The following DST variants were observed in gnomAD, a reference collection of about 807,000 sequenced individuals.
The protein encoded by DST is dystonin.
DST carries 253 observed loss-of-function variants against 875.2 expected under a neutral mutation model. That is an observed-to-expected ratio of 0.29 (90% CI 0.26 to 0.32). The LOEUF (loss-of-function observed/expected upper bound fraction) is 0.32. Ranked by LOEUF, DST falls within the 10% of genes least tolerant of loss-of-function variation. The probability of loss-of-function intolerance (pLI) is 1.00; values close to 1 mark genes in which losing one functional copy is unlikely to be tolerated. For missense variants in DST, 8,287 were observed against 9,111.6 expected (o/e 0.91, Z 3.68); for synonymous variants, 3,124 against 3,197.1 (o/e 0.98, Z 0.77).
At chr6:56,544,673 A>C (rs1421483954) in intron 61 of DST, among the ~76,000 whole-genome samples, 1 of 84,786 alleles carries the variant, frequency 1.2e-5, no homozygotes, top group Non-Finnish European at 2.8e-5. Context: ...AAACAGTGCT[A>C]TGGGAAAATA....
At chr6:56,594,874 A>C (rs2098343767) in intron 47 of DST, among the ~76,000 whole-genome samples, 1 of 152,226 alleles carries the variant, frequency 6.6e-6, no homozygotes, top group Non-Finnish European at 1.5e-5. Context: ...CACTTCCTGC[A>C]GAGCTGGGCA....
chr6:56,771,545 C>T (rs1188964140), intron 4 of DST, among the ~76,000 whole-genome samples: 2 of 152,122 alleles, frequency 1.3e-5, no homozygotes, highest in Admixed American at 1.3e-4. Flanking sequence ...ACACAAAAGC[C>T]TTGCATCAAA....
rs568356360 is a variant in DST, at chr6:56,637,921, C to T, written c.2965-1269G>A. On this transcript the variant is annotated intron_variant, in intron 22 of 103. Coordinates refer to ENST00000680361, the MANE Select transcript of DST (RefSeq NM_001374736.1). The stretch of plus-strand genomic sequence containing the variant: ...TCTGGCAACATATCATGATCATATT[C>T]TACCTCAAATTAAGCTACTTTCAGT... Among the ~76,000 whole-genome samples, 168 of 152,214 alleles carry T rather than the reference C, an allele frequency of 1.1e-3. 1 individual carries two copies. Among genetic ancestry groups the T allele is most frequent in the Non-Finnish European group, 1.7e-3 (115 of 67,996 alleles).
intron 4 of DST, among the ~76,000 whole-genome samples, chr6:56,751,478 C>T (rs2099586947): frequency 6.6e-6 from 1 of 151,968 alleles, no homozygotes; most frequent in African/African-American, 2.4e-5. Flanking sequence ...AGCAGGCATT[C>T]TTGTGATATT....
At chr6:56,886,548 G>A (rs1192962809) in intron 3 of DST, among the ~76,000 whole-genome samples, 3 of 152,152 alleles carry the variant, frequency 2.0e-5, no homozygotes, top group African/African-American at 7.2e-5. Context: ...GGCCGAGGCG[G>A]GCAGATCACC....
At chr6:56,618,836 G>C (rs1302988942) in intron 36 of DST, 1 of 1,614,028 alleles carries the variant, frequency 6.2e-7, no homozygotes, top group Admixed American at 1.7e-5. Flanking sequence ...CTTTCTGTGG[G>C]TCATCTGCTC....
At chr6:56,645,193 A>C (rs1316041440) in intron 15 of DST, among the ~76,000 whole-genome samples, 2 of 152,218 alleles carry the variant, frequency 1.3e-5, no homozygotes, top group Non-Finnish European at 2.9e-5. Flanking sequence ...TAGGTCCTAT[A>C]GACTTCATGG....
At chr6:56,908,086 C>CAT (rs928715522) in intron 2 of DST, among the ~76,000 whole-genome samples, 245 of 147,852 alleles carry the variant, frequency 1.7e-3, no homozygotes, top group African/African-American at 5.6e-3. Context: ...AAAGAAAATA[C>CAT]ATATATATAT....
rs35341433 is a variant in DST, at chr6:56,618,515, C to T, written c.4930-4031G>A. 217 of 1,614,166 alleles carry T rather than the reference C, an allele frequency of 1.3e-4. No homozygotes were observed. The African/African-American group carries it at 2.1e-3, about 15-fold the overall frequency. ...TTTTTGCTTCAGGTTTTCAACCTCA[C>T]GCTTCTGGGCTATCAGCTCATCCTC... On this transcript the variant is annotated intron_variant, in intron 36 of 103. Transcript: ENST00000680361.
intron 3 of DST, among the ~76,000 whole-genome samples, chr6:56,857,649 C>G (rs781344497): frequency 2.6e-5 from 4 of 152,028 alleles, no homozygotes; most frequent in Non-Finnish European, 4.4e-5. Flanking sequence ...TTTATATAAA[C>G]AAAAACAGAA....
chr6:56,846,135 T>C (rs1443730515), intron 4 of DST, among the ~76,000 whole-genome samples: 1 of 152,212 alleles, frequency 6.6e-6, no homozygotes, highest in East Asian at 1.9e-4. Context: ...GAGGTCTAAA[T>C]AGGATACCAT....
chr6:56,798,624 GA>G (rs932999478), intron 4 of DST, among the ~76,000 whole-genome samples: 2 of 152,074 alleles, frequency 1.3e-5, no homozygotes, highest in African/African-American at 4.8e-5. Flanking sequence ...GTAGCCCATG[GA>G]ACAAGGTGTA....
chr6:56,881,082 C>T (rs1023558008), intron 3 of DST, among the ~76,000 whole-genome samples: 1 of 151,890 alleles, frequency 6.6e-6, no homozygotes, highest in African/African-American at 2.4e-5. Flanking sequence ...ATCTCCTGAC[C>T]TCATGATCCA....
chr6:56,677,600 G>A (rs2099137209), intron 9 of DST, among the ~76,000 whole-genome samples: 1 of 152,192 alleles, frequency 6.6e-6, no homozygotes, highest in Non-Finnish European at 1.5e-5. Context: ...ATGAACCACA[G>A]CACCTAGCCC....
intron 81 of DST, 30 bp from the exon 82 acceptor site, chr6:56,497,537 C>G (rs1157815763): frequency 1.2e-6 from 2 of 1,606,776 alleles, no homozygotes; most frequent in South Asian, 2.2e-5. Flanking sequence ...TAAGTTGGGG[C>G]CATAAACACT....
intron 93 of DST, among the ~76,000 whole-genome samples, chr6:56,473,107 T>A (rs1159126995): frequency 6.6e-6 from 1 of 152,160 alleles, no homozygotes; most frequent in Non-Finnish European, 1.5e-5. Flanking sequence ...CTTCTACAGA[T>A]GAGGAAACTG....
Position 56,909,392 on chromosome 6 carries a change from C to T in DST, c.217-8771G>A, listed in dbSNP as rs566427686. Among the ~76,000 whole-genome samples, 5 of 152,300 alleles carry T rather than the reference C, an allele frequency of 3.3e-5. No individual in the cohort carries two copies. In the South Asian group the frequency reaches 6.2e-4, roughly 19 times the overall value. ...GGACCTAGCATATAAACACTTCCCA[C>T]AGCCACTTCTCCATGCTCTTCTCCT... On this transcript the variant is annotated intron_variant, in intron 2 of 103. Transcript: ENST00000680361.
chr6:56,584,848 T>A (rs1231071504), intron 49 of DST, among the ~76,000 whole-genome samples: 3 of 152,198 alleles, frequency 2.0e-5, no homozygotes, highest in Admixed American at 6.5e-5. Context: ...TCTATTGAGA[T>A]AATCATGTGG....
chr6:56,903,960 C>T lies in DST; in HGVS notation c.217-3339G>A, dbSNP rs555171263. Among the ~76,000 whole-genome samples, 449 of 152,282 alleles carry T rather than the reference C, an allele frequency of 2.9e-3. 2 individuals carry two copies. Among genetic ancestry groups the T allele is most frequent in the Non-Finnish European group, 5.5e-3 (371 of 68,024 alleles). ...GCCACTATCTGGGTTCTAATACTGC[C>T]TTTGTCACTTCCTAGTTGTATGATC... On this transcript the variant is annotated intron_variant, in intron 2 of 103. Coordinates refer to ENST00000680361, the MANE Select transcript of DST (RefSeq NM_001374736.1).
Sources: allele counts gnomAD v4.1 joint callset (sites outside exome capture counted in the v4.1 genomes callset), GRCh38; gene constraint gnomAD v4.1.1; transcripts MANE v1.5; gene names NCBI Gene and HGNC (gene_info 2026-07-23, HGNC 2026-07-21).